The following TYW1B variants were observed in gnomAD, a reference collection of about 807,000 sequenced individuals.
TYW1B encodes the protein tRNA-yW synthesizing protein 1 homolog B, also known as S-adenosyl-L-methionine-dependent tRNA 4-demethylwyosine synthase TYW1B.
In TYW1B, 73 loss-of-function variants were observed where a neutral mutation model predicts 86.9. That is an observed-to-expected ratio of 0.84 (90% confidence interval 0.70 to 1.02). The LOEUF is 1.02. Ranked by LOEUF, TYW1B falls within the 50% of genes least tolerant of loss-of-function variation. The pLI, the probability that TYW1B is intolerant of heterozygous loss-of-function variation, is 0.00. For synonymous variants in TYW1B, 248 were observed against 292.8 expected, an observed-to-expected ratio of 0.85 and a Z score of 1.56; for missense variants, 637 against 827.4, an observed-to-expected ratio of 0.77 and a Z score of 2.82.
Position 72,628,931 on chromosome 7 carries a change from C to T in TYW1B, c.1573G>A (p.Ala525Thr), listed in dbSNP as rs193229651. ...AWNVDELQAY[A>T]QLVSLGNPDF... The stretch of plus-strand genomic sequence containing the variant: ...GGATTCCCCAGGGACACGAGCTGCG[C>T]GTAGGCCTGGAGCTCGTCCACGTTC... The change falls in exon 12 of 14, where the codon GCG becomes ACG. Residue 525 changes from alanine (A) to threonine (T), a missense_variant. Ala to Thr is a moderately conservative substitution (Grantham distance 58). Coordinates refer to ENST00000620995, the MANE Select transcript of TYW1B (RefSeq NM_001145440.3). 63 of 1,594,372 alleles carry T rather than the reference C, an allele frequency of 4.0e-5. 1 individual carries two copies. In the Admixed American group the frequency reaches 6.4e-4, roughly 16 times the overall value.
chr7:72,785,778 G>T (rs1313245441), intron 6 of TYW1B, among the ~76,000 whole-genome samples: 1 of 152,122 alleles, frequency 6.6e-6, no homozygotes, highest in Non-Finnish European at 1.5e-5. Context: ...GGATGATCAT[G>T]CGGAAAGCAC....
chr7:72,737,226 C>T (rs1787211671), intron 8 of TYW1B, among the ~76,000 whole-genome samples: 1 of 152,138 alleles, frequency 6.6e-6, no homozygotes, highest in African/African-American at 2.4e-5. Flanking sequence ...TTTCAATGAA[C>T]CTTTTCTGAC....
At chr7:72,621,255 C>A (rs1554437910) in intron 12 of TYW1B, among the ~76,000 whole-genome samples, 1 of 152,156 alleles carries the variant, frequency 6.6e-6, no homozygotes, top group African/African-American at 2.4e-5. Context: ...TCTTGTAGAG[C>A]CTGCAGAGCC....
At chr7:72,578,870 G>T (rs1486465536) in intron 13 of TYW1B, among the ~76,000 whole-genome samples, 20 of 152,138 alleles carry the variant, frequency 1.3e-4, no homozygotes, top group Non-Finnish European at 1.9e-4. Flanking sequence ...GAAAGACAGA[G>T]ATGACCATTC....
intron 10 of TYW1B, among the ~76,000 whole-genome samples, chr7:72,697,160 T>G (rs555892989): frequency 1.4e-4 from 22 of 152,226 alleles, no homozygotes; most frequent in African/African-American, 5.1e-4. Flanking sequence ...CCTGACCTTT[T>G]CACTATGCTT....
At chr7:72,629,593 C>G (rs1554439528) in intron 11 of TYW1B, among the ~76,000 whole-genome samples, 1 of 152,072 alleles carries the variant, frequency 6.6e-6, no homozygotes, top group Non-Finnish European at 1.5e-5. Flanking sequence ...GTTGTCCAGG[C>G]TGGAGTGCAG....
intron 12 of TYW1B, among the ~76,000 whole-genome samples, chr7:72,621,314 C>T (rs1812209186): frequency 6.6e-6 from 1 of 152,122 alleles, no homozygotes; most frequent in African/African-American, 2.4e-5. Flanking sequence ...TTTTTCCCCA[C>T]AATAAACCCC....
At chr7:72,805,169 G>C (rs1272349301) in intron 5 of TYW1B, among the ~76,000 whole-genome samples, 1 of 150,718 alleles carries the variant, frequency 6.6e-6, no homozygotes, top group South Asian at 2.1e-4. Flanking sequence ...CATCAAAAGG[G>C]GCAATGCTTT....
chr7:72,827,900 G>A (rs1463609700), intron 1 of TYW1B, among the ~76,000 whole-genome samples, 172 bp downstream of exon 1: 6 of 152,356 alleles, frequency 3.9e-5, no homozygotes, highest in African/African-American at 1.2e-4. Context: ...CAAAAGCCAG[G>A]TCAAAAGTAG....
chr7:72,819,069 C>T (rs1449142054), intron 2 of TYW1B, among the ~76,000 whole-genome samples: 3 of 152,042 alleles, frequency 2.0e-5, no homozygotes, highest in African/African-American at 7.2e-5. Context: ...TGAGCCAAAG[C>T]TGAAGGAACT....
chr7:72,607,253 T>C (rs575338811), intron 13 of TYW1B, among the ~76,000 whole-genome samples: 12 of 151,370 alleles, frequency 7.9e-5, no homozygotes, highest in African/African-American at 2.4e-4. Flanking sequence ...ATTAGCTGGG[T>C]GTGGTGGTAC....
At chr7:72,590,449 C>T (rs1554431212) in intron 13 of TYW1B, among the ~76,000 whole-genome samples, 2 of 152,230 alleles carry the variant, frequency 1.3e-5, no homozygotes, top group African/African-American at 4.8e-5. Context: ...CTGGGGACTT[C>T]AAGGGCCAGT....
At chr7:72,733,659 T>A (rs1450568620) in intron 8 of TYW1B, among the ~76,000 whole-genome samples, 1 of 152,070 alleles carries the variant, frequency 6.6e-6, no homozygotes, top group East Asian at 1.9e-4. Context: ...AGACTCCGTC[T>A]CAAAGAAATA....
At chr7:72,783,275 G>A (rs1207711529) in intron 6 of TYW1B, among the ~76,000 whole-genome samples, 1 of 151,160 alleles carries the variant, frequency 6.6e-6, no homozygotes, top group Non-Finnish European at 1.5e-5. Flanking sequence ...GCATGCGCTT[G>A]TGGTCCCAGC....
rs760298799 is a variant in TYW1B at position 72,748,008 on chromosome 7, C to T, written c.965-3407G>A. On this transcript the variant is annotated intron_variant, in intron 7 of 13. Transcript: ENST00000620995. ...GAATACAGCCGGGCACAGTGGCTCA[C>T]GCCTGTAATCCCAGCACTTTGGGAG... Among the ~76,000 whole-genome samples, 7 of 152,162 alleles carry T rather than the reference C, an allele frequency of 4.6e-5. No individual in the cohort carries two copies. The South Asian group carries it at 6.2e-4, about 14-fold the overall frequency.
chr7:72,670,956 C>G (rs576867621), intron 11 of TYW1B, among the ~76,000 whole-genome samples: 64 of 152,048 alleles, frequency 4.2e-4, no homozygotes, highest in African/African-American at 1.5e-3. Flanking sequence ...CTTAATATTC[C>G]AGTCTGTAAA....
Position 72,713,630 on chromosome 7 carries a change from G to T in TYW1B, c.1361C>A (p.Ala454Glu). 6.2e-7 allele frequency: 1 copy of T among 1,613,284 alleles called. No individual in the cohort carries two copies. Among genetic ancestry groups the T allele is most frequent in the East Asian group, 2.2e-5 (1 of 44,860 alleles). The change falls in exon 10 of 14, where the codon GCG (alanine) becomes GAG (glutamate). Residue 454 changes from alanine (A) to glutamate (E), a missense_variant. Ala to Glu is a moderately radical substitution (Grantham distance 107). Transcript: ENST00000620995. The stretch of plus-strand genomic sequence containing the variant: ...AGGCTGGAGAACTCACCTGATTTCC[G>T]CAGGAAATTGTGCATTTGTGACCAG... ...SFLVTNAQFP[A>E]EIRNLEPVTQ...
chr7:72,753,929 G>A (rs1787544910), intron 7 of TYW1B, among the ~76,000 whole-genome samples: 1 of 152,012 alleles, frequency 6.6e-6, no homozygotes, highest in Non-Finnish European at 1.5e-5. Context: ...CAAAACATTT[G>A]TGTGGCTCAC....
intron 12 of TYW1B, among the ~76,000 whole-genome samples, chr7:72,620,568 C>A (rs1554437785): frequency 6.6e-6 from 1 of 152,100 alleles, no homozygotes; most frequent in African/African-American, 2.4e-5. Context: ...GGACCCCGAG[C>A]TCTCACTCAG....
Sources: allele counts gnomAD v4.1 joint callset (sites outside exome capture counted in the v4.1 genomes callset), GRCh38; gene constraint gnomAD v4.1.1; transcripts MANE v1.5; gene names NCBI Gene and HGNC (gene_info 2026-07-23, HGNC 2026-07-21).